Variants in FAT4 observed in about 807,000 individuals in gnomAD.
FAT4 encodes the protein FAT atypical cadherin 4, also known as protocadherin Fat 4.
A neutral mutation model predicts 303.9 loss-of-function variants in FAT4; 84 were observed. The observed-to-expected ratio is 0.28, with a 90% confidence interval of 0.23 to 0.33. The LOEUF (loss-of-function observed/expected upper bound fraction) is 0.33, where lower values mean the gene tolerates loss of function less well. Among genes scored for constraint, FAT4 ranks in the 10% least tolerant of loss-of-function variants. The probability of loss-of-function intolerance (pLI) is 1.00; values close to 1 mark genes in which losing one functional copy is unlikely to be tolerated. For missense variants in FAT4, 6,005 were observed against 6,146.8 expected, an observed-to-expected ratio of 0.98 and a Z score of 0.77; for synonymous variants, 2,307 against 2,298.8, an observed-to-expected ratio of 1.00 and a Z score of -0.10.
intron 2 of FAT4, among the ~76,000 whole-genome samples, chr4:125,322,563 G>A (rs1433114815): frequency 6.6e-6 from 1 of 152,066 alleles, no homozygotes; most frequent in Non-Finnish European, 1.5e-5. Context: ...ACATTCTAGT[G>A]TCAGTCAGCC....
At chr4:125,419,911 A>C (rs961948179) in intron 7 of FAT4, among the ~76,000 whole-genome samples, 6 of 152,228 alleles carry the variant, frequency 3.9e-5, no homozygotes, top group Admixed American at 3.3e-4. Context: ...GCCAATGCCA[A>C]CCAATCAATC....
At position 125,450,965 on chromosome 4, in the gene FAT4, G is replaced by A. The variant is rs772860490; in HGVS notation, c.9955G>A (p.Val3319Ile). 6.2e-7 allele frequency: 1 copy of A among 1,614,146 alleles called. No homozygotes were observed. The highest frequency in any genetic ancestry group is 8.5e-7 in the Non-Finnish European group (1 of 1,180,018). Reference sequence around the variant, plus strand: ...AGAAGCAGCTCCTAAAGGTACTATTGTTGGAGAAGTGTTTGCTAGCGACCG... The same window carrying A: ...AGAAGCAGCTCCTAAAGGTACTATTATTGGAGAAGTGTTTGCTAGCGACCG... ...ISEAAPKGTI[V>I]GEVFASDRDL... Residue 3319 changes from valine (V) to isoleucine (I), a missense_variant, in exon 10 of 18, where the codon GTT (valine) becomes ATT (isoleucine). Physicochemically the swap from Val to Ile is conservative, Grantham distance 29. Coordinates refer to ENST00000394329, the MANE Select transcript of FAT4 (RefSeq NM_001291303.3).
At chr4:125,346,199 C>T (rs1181739677) in intron 2 of FAT4, among the ~76,000 whole-genome samples, 2 of 151,942 alleles carry the variant, frequency 1.3e-5, no homozygotes, top group Non-Finnish European at 2.9e-5. Context: ...CTTTTAAATG[C>T]AAATCTTGGA....
At chr4:125,388,628 T>A (rs1345640006) in intron 2 of FAT4, among the ~76,000 whole-genome samples, 1 of 152,192 alleles carries the variant, frequency 6.6e-6, no homozygotes, top group Admixed American at 6.5e-5. Context: ...CTTTTGAGCA[T>A]CCTTAAGAAT....
rs1734796284 is a variant in FAT4 at position 125,410,420 on chromosome 4, G to A, written c.5920+1626G>A. Among the ~76,000 whole-genome samples, 3 of 152,106 alleles carry A rather than the reference G, an allele frequency of 2.0e-5. No homozygotes were observed. In the South Asian group the frequency reaches 6.2e-4, roughly 32 times the overall value. ...CAGGTCTGTGGATTGGCTCCAGTTA[G>A]ATATCTGTATATAATTGAGGTTAGT... On this transcript the variant is annotated intron_variant, in intron 5 of 17. Coordinates refer to ENST00000394329, the MANE Select transcript of FAT4 (RefSeq NM_001291303.3).
intron 2 of FAT4, among the ~76,000 whole-genome samples, chr4:125,364,976 G>A (rs2125987500): frequency 6.6e-6 from 1 of 152,228 alleles, no homozygotes; most frequent in South Asian, 2.1e-4. Flanking sequence ...GGAGAACTTG[G>A]GGCCCTGGAC....
At chr4:125,369,723 T>C (rs1733031239) in intron 2 of FAT4, among the ~76,000 whole-genome samples, 1 of 152,236 alleles carries the variant, frequency 6.6e-6, no homozygotes, top group Non-Finnish European at 1.5e-5. Context: ...ATCTCCAGAA[T>C]GTTTTTGTTT....
chr4:125,428,968 C>A (rs1193161107), intron 7 of FAT4, among the ~76,000 whole-genome samples: 3 of 152,140 alleles, frequency 2.0e-5, no homozygotes, highest in Non-Finnish European at 4.4e-5. Flanking sequence ...AAATCAATCC[C>A]AGGTGGAATT....
In FAT4 at chr4:125,449,831, A is replaced by G. The variant is rs151209952; in HGVS notation, c.8821A>G (p.Thr2941Ala). ...ACAGATCTTAAAATACCAAAATGTCACTGGCTTCAGTAATGTGAATATCAA... is the reference window on the plus strand; with the variant it reads ...ACAGATCTTAAAATACCAAAATGTCGCTGGCTTCAGTAATGTGAATATCAA... ...NKQILKYQNV[T>A]GFSNVNINRH... The change falls in exon 10 of 18, where the codon ACT (threonine) becomes GCT (alanine). Residue 2941 changes from threonine (T) to alanine (A), a missense_variant. By Grantham distance (58) the Thr-to-Ala change is moderately conservative. Coordinates refer to ENST00000394329, the MANE Select transcript of FAT4 (RefSeq NM_001291303.3). 45 of 1,613,782 alleles carry G rather than the reference A, an allele frequency of 2.8e-5. No individual in the cohort carries two copies. In the African/African-American group the frequency reaches 5.6e-4, roughly 20 times the overall value.
Position 125,318,758 on chromosome 4 carries a change from G to A in FAT4, c.2347G>A (p.Val783Ile). 1.2e-6 allele frequency: 2 copies of A among 1,614,112 alleles called. No homozygotes were observed. The highest frequency in any genetic ancestry group is 1.1e-5 in the South Asian group (1 of 91,072). Residue 783 changes from valine (V) to isoleucine (I), a missense_variant, in exon 2 of 18, where the codon GTA (valine) becomes ATA (isoleucine). Transcript: ENST00000394329. ...SPNQAIVTIT[V>I]LDTQDNPPVF... ...CAACCAGGCAATAGTAACCATCACTGTATTGGACACTCAAGACAACCCACC... is the reference window on the plus strand; with the variant it reads ...CAACCAGGCAATAGTAACCATCACTATATTGGACACTCAAGACAACCCACC...
chr4:125,378,646 G>A (rs1282425368), intron 2 of FAT4, among the ~76,000 whole-genome samples: 1 of 151,956 alleles, frequency 6.6e-6, no homozygotes, highest in Non-Finnish European at 1.5e-5. Context: ...TAGAATATTT[G>A]TTGTCATTCC....
At position 125,316,968 on chromosome 4, in the gene FAT4, G is replaced by T; in HGVS notation, c.557G>T (p.Arg186Leu). Residue 186 changes from arginine to leucine, a missense_variant, in exon 2 of 18, where the codon CGT (arginine) becomes CTT (leucine). Arg to Leu is a moderately radical substitution (Grantham distance 102). Transcript: ENST00000394329. The surrounding 1 kb of genome is among the most constrained non-coding windows in gnomAD (Gnocchi z 5.7). ...CGCGGCAATGAGGCGGGGCGCTTCCGTCTGGACATCACCCTGAACCCGAGC... is the reference window on the plus strand; with the variant it reads ...CGCGGCAATGAGGCGGGGCGCTTCCTTCTGGACATCACCCTGAACCCGAGC... Reference protein sequence around the residue: ...IIRGNEAGRFRLDITLNPSGE... With the variant: ...IIRGNEAGRFLLDITLNPSGE... 1 of 1,613,914 alleles carries T rather than the reference G, an allele frequency of 6.2e-7. No homozygotes were observed. Among genetic ancestry groups the T allele is most frequent in the Non-Finnish European group, 8.5e-7 (1 of 1,180,038 alleles).
In FAT4 at chr4:125,449,466, C is replaced by A. The variant is rs1423578835; in HGVS notation, c.8456C>A (p.Pro2819Gln). The change falls in exon 10 of 18, where the codon CCA (proline) becomes CAA (glutamine). Residue 2819 changes from proline to glutamine, a missense_variant. By Grantham distance (76) the Pro-to-Gln change is moderately conservative. Transcript: ENST00000394329. Reference protein sequence around the residue: ...SRYSIMDASLPFTINPSTGDI... With the variant: ...SRYSIMDASLQFTINPSTGDI... Reference sequence around the variant, plus strand: ...TATTCTATAATGGATGCAAGTCTTCCATTTACAATTAATCCCAGCACAGGG... The same window carrying A: ...TATTCTATAATGGATGCAAGTCTTCAATTTACAATTAATCCCAGCACAGGG... 4 of 1,613,782 alleles carry A rather than the reference C, an allele frequency of 2.5e-6. No individual in the cohort carries two copies. Among genetic ancestry groups the A allele is most frequent in the Non-Finnish European group, 3.4e-6 (4 of 1,179,828 alleles).
At chr4:125,376,703 C>T (rs1484117505) in intron 2 of FAT4, among the ~76,000 whole-genome samples, 2 of 152,066 alleles carry the variant, frequency 1.3e-5, no homozygotes, top group African/African-American at 4.8e-5. Flanking sequence ...AGTTCGAAAC[C>T]AGACTGACCA....
At chr4:125,344,624 G>A (rs1019848967) in intron 2 of FAT4, among the ~76,000 whole-genome samples, 4 of 152,092 alleles carry the variant, frequency 2.6e-5, no homozygotes, top group Non-Finnish European at 4.4e-5. Flanking sequence ...GCCAATGGGC[G>A]TTATTCTGCT....
chr4:125,439,869 C>T (rs2126048698), intron 8 of FAT4, among the ~76,000 whole-genome samples: 1 of 152,240 alleles, frequency 6.6e-6, no homozygotes, highest in South Asian at 2.1e-4. Context: ...CTAGGAAAGT[C>T]ATTTTAGTGC....
In FAT4 at chr4:125,450,515, A is replaced by G. The variant is rs373263802; in HGVS notation, c.9505A>G (p.Ile3169Val). 27 of 1,614,010 alleles carry G rather than the reference A, an allele frequency of 1.7e-5. No homozygotes were observed. Among genetic ancestry groups the G allele is most frequent in the Non-Finnish European group, 2.2e-5 (26 of 1,180,014 alleles). ...CQKHEMTISA[I>V]DGGWVARTGY... ...GAAACACGAAATGACGATTAGTGCT[A>G]TAGATGGAGGATGGGTTGCAAGAAC... Residue 3169 changes from isoleucine to valine, a missense_variant, in exon 10 of 18, where the codon ATA becomes GTA. Coordinates refer to ENST00000394329, the MANE Select transcript of FAT4 (RefSeq NM_001291303.3).
intron 12 of FAT4, among the ~76,000 whole-genome samples, chr4:125,473,221 T>C (rs976620939): frequency 1.4e-4 from 22 of 152,106 alleles, no homozygotes; most frequent in African/African-American, 5.3e-4. Context: ...CACCCTGAAT[T>C]ATCACCAACA....
In FAT4 at chr4:125,445,261, G is replaced by T. The variant is rs531600212; in HGVS notation, c.7200-1032G>T. Among the ~76,000 whole-genome samples, 183 of 152,090 alleles carry T rather than the reference G, an allele frequency of 1.2e-3. 2 individuals carry two copies. Among genetic ancestry groups the T allele is most frequent in the Non-Finnish European group, 2.2e-3 (149 of 67,974 alleles). On this transcript the variant is annotated intron_variant, in intron 8 of 17. Transcript: ENST00000394329. ...ACAGTTGATTATTTCACTAAAGTAG[G>T]ATAAAAAATGCTGAAATATTTGTTT...
Sources: gnomAD v4.1 joint callset for allele counts (sites outside exome capture counted in the v4.1 genomes callset) on GRCh38, gnomAD v4.1.1 for gene constraint, Gnocchi (gnomAD v3.1) non-coding constraint, MANE v1.5 for transcripts, NCBI Gene and HGNC (gene_info 2026-07-23, HGNC 2026-07-21) for gene names.